GPR146: variants seen among roughly 807,000 people sequenced by gnomAD.
GPR146 encodes G protein-coupled receptor 146, also known as G-protein coupled receptor 146.
For missense variants in GPR146, 381 were observed against 213.9 expected (o/e 1.78, Z -4.87); for synonymous variants, 203 against 104.3 (o/e 1.95, Z -5.77).
At chr7:1,055,131 T>A (rs930451859) in intron 1 of GPR146, 1 of 401,100 alleles carries the variant, frequency 2.5e-6, no homozygotes, top group African/African-American at 2.1e-5. Context: ...ATCAGAAAGG[T>A]GGGACAAGAG....
rs190967829 is a variant in GPR146 at position 1,053,306 on chromosome 7, A to G, written c.-24-4186A>G. ...CCCTCACTCGGACGCAGGTGTGGCG[A>G]CGGCGGGGGAGGGGCGTCCACAGTA... On this transcript the variant is annotated intron_variant, in intron 1 of 1. Coordinates refer to ENST00000444847, the MANE Select transcript of GPR146 (RefSeq NM_001303473.2). 2.2e-3 allele frequency among the ~76,000 whole-genome samples: 332 copies of G among 152,352 alleles called. 1 individual carries two copies. The highest frequency in any genetic ancestry group is 7.4e-3 in the African/African-American group (306 of 41,586).
intron 1 of GPR146, among the ~76,000 whole-genome samples, chr7:1,050,777 G>C (rs1783034800): frequency 6.6e-6 from 1 of 152,214 alleles, no homozygotes; most frequent in South Asian, 2.1e-4. Context: ...AGATGACACA[G>C]AGGCACAGCT....
In GPR146 at chr7:1,059,135, TC is replaced by T. The variant is rs2128206328; in HGVS notation, c.*621del. 5.9e-6 allele frequency: 1 copy of T among 168,538 alleles called. No homozygotes were observed. The highest frequency in any genetic ancestry group is 1.9e-4 in the East Asian group (1 of 5,210). 10.4% of individuals were successfully genotyped at this position (168,538 alleles called of 1,614,324 possible). A position where few individuals can be genotyped will look rare whatever the true frequency, so the allele number is the denominator to read the frequency against. Reference sequence around the variant, plus strand: ...ACGCGCTCTCCTCAGCCACCAAATGTCCCTGACACCCTCCCCAGCCCCCACA... The same window carrying T: ...ACGCGCTCTCCTCAGCCACCAAATGTCCTGACACCCTCCCCAGCCCCCACA... On this transcript the variant is annotated 3_prime_UTR_variant, in exon 2 of 2. Transcript: ENST00000444847.
intron 1 of GPR146, chr7:1,056,195 G>A (rs1344725046): frequency 1.3e-5 from 2 of 155,936 alleles, no homozygotes; most frequent in East Asian, 1.9e-4. Context: ...TGCCTGCCTG[G>A]CCGAGGAGGT....
At chr7:1,054,719 T>C (rs1379817440) in intron 1 of GPR146, among the ~76,000 whole-genome samples, 1 of 152,208 alleles carries the variant, frequency 6.6e-6, no homozygotes, top group Non-Finnish European at 1.5e-5. Flanking sequence ...CGGTTCCACC[T>C]GCAGGAGAGC....
Position 1,058,054 on chromosome 7 carries a change from A to G in GPR146, c.539A>G (p.Lys180Arg), listed in dbSNP as rs1481428404. 1 of 768,414 alleles carries G rather than the reference A, an allele frequency of 1.3e-6. No individual in the cohort carries two copies. Among genetic ancestry groups the G allele is most frequent in the African/African-American group, 1.7e-5 (1 of 59,158 alleles). 47.6% of individuals were successfully genotyped at this position (768,414 alleles called of 1,614,324 possible). A position where few individuals can be genotyped will look rare whatever the true frequency, so the allele number is the denominator to read the frequency against. The change falls in exon 2 of 2, where the codon AAG becomes AGG. Residue 180 changes from lysine (K) to arginine (R), a missense_variant. By Grantham distance (26) the Lys-to-Arg change is conservative. Transcript: ENST00000444847. ...TCCACCCGCGCGCTAGAGTGCGCCAAGATGCAGAACGCAGAAGCTGCCGAC... is the reference window on the plus strand; with the variant it reads ...TCCACCCGCGCGCTAGAGTGCGCCAGGATGCAGAACGCAGAAGCTGCCGAC... ...HVSTRALECAKMQNAEAADAT... is the reference protein window; with the variant it reads ...HVSTRALECARMQNAEAADAT...
intron 1 of GPR146, among the ~76,000 whole-genome samples, chr7:1,053,833 AC>A (rs1268462606): frequency 3.0e-4 from 45 of 152,304 alleles, no homozygotes; most frequent in African/African-American, 1.1e-3. Context: ...TCTCAAAAAA[AC>A]AAAAACAAAA....
chr7:1,049,202 GT>G (rs1370010371), intron 1 of GPR146, among the ~76,000 whole-genome samples: 2 of 152,154 alleles, frequency 1.3e-5, no homozygotes. Flanking sequence ...CCTGCCCCAC[GT>G]TTCCCCTGCA....
chr7:1,047,386 G>C (rs909392904), intron 1 of GPR146, among the ~76,000 whole-genome samples: 3 of 152,224 alleles, frequency 2.0e-5, no homozygotes, highest in Admixed American at 6.5e-5. Flanking sequence ...AAAAGCAAAA[G>C]GCTACAAAAA....
At chr7:1,051,996 CAGAA>C (rs772372369) in intron 1 of GPR146, among the ~76,000 whole-genome samples, 18 of 152,204 alleles carry the variant, frequency 1.2e-4, no homozygotes, top group Non-Finnish European at 2.2e-4. Flanking sequence ...AAAATAAAAA[CAGAA>C]GGAGGAACAG....
At chr7:1,048,274 C>T (rs1782769605) in intron 1 of GPR146, among the ~76,000 whole-genome samples, 1 of 152,154 alleles carries the variant, frequency 6.6e-6, no homozygotes, top group Non-Finnish European at 1.5e-5. Flanking sequence ...TCTGACAGGG[C>T]CCTAAGCAAC....
At position 1,058,484 on chromosome 7, in the gene GPR146, G is replaced by C; in HGVS notation, c.969G>C (p.Pro323=). Residue 323 remains proline (P), a synonymous_variant, in exon 2 of 2, where the codon CCG becomes CCC. Coordinates refer to ENST00000444847, the MANE Select transcript of GPR146 (RefSeq NM_001303473.2). The part of the protein sequence containing the change: ...KLPCGDRHCS[P]DHMGVQQVLA The stretch of plus-strand genomic sequence containing the variant: ...CCTGCGGGGACCGGCACTGCTCCCC[G>C]GACCACATGGGGGTGCAGCAGGTGC... 1.3e-6 allele frequency: 1 copy of C among 780,122 alleles called. No homozygotes were observed. Among genetic ancestry groups the C allele is most frequent in the Non-Finnish European group, 2.4e-6 (1 of 418,064 alleles). 48.3% of individuals were successfully genotyped at this position (780,122 alleles called of 1,614,324 possible).
intron 1 of GPR146, among the ~76,000 whole-genome samples, chr7:1,046,342 T>C (rs1782578298): frequency 6.6e-6 from 1 of 152,180 alleles, no homozygotes; most frequent in African/African-American, 2.4e-5. Context: ...CGGCCGACCG[T>C]GTCATGCACA....
rs559533894 is a variant in GPR146, at chr7:1,054,003, C to T, written c.-24-3489C>T. On this transcript the variant is annotated intron_variant, in intron 1 of 1. Transcript: ENST00000444847. ...GGTCAAGGAGACTTGTCCACCCAGG[C>T]GTGGCCGAGGAAGGGGTTTCCTCAC... 5.9e-5 allele frequency among the ~76,000 whole-genome samples: 9 copies of T among 152,316 alleles called. No individual in the cohort carries two copies. In the South Asian group the frequency reaches 6.2e-4, roughly 11 times the overall value.
rs1782392683 is a variant in GPR146 at position 1,044,594 on chromosome 7, GCCGCCT to G, written c.-83_-78del. On this transcript the variant is annotated 5_prime_UTR_variant, in exon 1 of 2. Coordinates refer to ENST00000444847, the MANE Select transcript of GPR146 (RefSeq NM_001303473.2). ...GGGCGGCGTGCGCGCCGTGAGCCCC[GCCGCCT>G]CCGCCAGCCCGAGCTGCCCGCCCGG... 6.6e-6 allele frequency: 1 copy of G among 150,858 alleles called. No homozygotes were observed. Among genetic ancestry groups the G allele is most frequent in the Non-Finnish European group, 1.5e-5 (1 of 67,582 alleles). The allele number at this position is 150,858 out of a possible 1,614,324, so 9.3% of individuals were successfully genotyped here.
At chr7:1,054,316 A>T (rs1328831084) in intron 1 of GPR146, among the ~76,000 whole-genome samples, 1 of 152,208 alleles carries the variant, frequency 6.6e-6, no homozygotes, top group Non-Finnish European at 1.5e-5. Flanking sequence ...CTCATCATTG[A>T]TACCTGGTGA....
chr7:1,056,079 GC>G (rs1783726465), intron 1 of GPR146: 1 of 153,684 alleles, frequency 6.5e-6, no homozygotes. Flanking sequence ...CCCCTCACCG[GC>G]CCCCGCCACT....
chr7:1,051,615 C>T (rs112064650), intron 1 of GPR146, among the ~76,000 whole-genome samples: 245 of 152,320 alleles, frequency 1.6e-3, no homozygotes, highest in African/African-American at 5.3e-3. Context: ...GCATGTCAGC[C>T]GCCACTGGAT....
rs1442144639 is a variant in GPR146 at position 1,058,140 on chromosome 7, C to G, written c.625C>G (p.Leu209Val). 4.0e-6 allele frequency: 3 copies of G among 746,898 alleles called. No individual in the cohort carries two copies. In the East Asian group the frequency reaches 7.4e-5, roughly 18 times the overall value. The allele number at this position is 746,898 out of a possible 1,614,324, so 46.3% of individuals were successfully genotyped here. The change falls in exon 2 of 2, where the codon CTA becomes GTA. Residue 209 changes from leucine (L) to valine (V), a missense_variant. Physicochemically the swap from Leu to Val is conservative, Grantham distance 32. Coordinates refer to ENST00000444847, the MANE Select transcript of GPR146 (RefSeq NM_001303473.2). ...ACTGGCCACCCTCTACGCGCTGGTGCTACTCTCCCGCGTCCGCAGGGAGGA... is the reference window on the plus strand; with the variant it reads ...ACTGGCCACCCTCTACGCGCTGGTGGTACTCTCCCGCGTCCGCAGGGAGGA... The part of the protein sequence containing the change: ...PALATLYALV[L>V]LSRVRREDTP...
Sources: allele counts gnomAD v4.1 joint callset (sites outside exome capture counted in the v4.1 genomes callset), GRCh38; gene constraint gnomAD v4.1.1; transcripts MANE v1.5; gene names NCBI Gene and HGNC (gene_info 2026-07-23, HGNC 2026-07-21).